The following PRR5L variants were observed in gnomAD, a reference collection of about 807,000 sequenced individuals.
PRR5L encodes proline-rich protein 5-like.
A neutral mutation model predicts 36.4 loss-of-function variants in PRR5L; 21 were observed. The observed-to-expected ratio is 0.58, with a 90% confidence interval of 0.41 to 0.83. PRR5L has a LOEUF of 0.83. Among genes scored for constraint, PRR5L ranks in the 40% least tolerant of loss-of-function variants. The pLI, the probability that PRR5L is intolerant of heterozygous loss-of-function variation, is 0.00. For missense variants in PRR5L, 381 were observed against 473.3 expected (o/e 0.80, Z 1.81); for synonymous variants, 188 against 197.0 (o/e 0.95, Z 0.38).
intron 1 of PRR5L, among the ~76,000 whole-genome samples, chr11:36,324,086 G>A (rs72948150): frequency 0.23 from 35,708 of 151,996 alleles, 5,122 homozygotes; most frequent in Non-Finnish European, 0.32. Context: ...GTTCACAAAA[G>A]ACTTAACAAA....
At chr11:36,336,529 C>CTTTTTT (rs36024089) in intron 1 of PRR5L, among the ~76,000 whole-genome samples, 1 of 104,264 alleles carries the variant, frequency 9.6e-6, no homozygotes, top group South Asian at 3.7e-4. Context: ...CGCGCCTGGC[C>CTTTTTT]TTTTTTTTTT....
Position 36,464,141 on chromosome 11 carries a change from G to A in PRR5L, c.*1405G>A, listed in dbSNP as rs77226645. ...AGGTCTGGGGGCTTTTATCCACCTT[G>A]AATCCCTATCCTCCTCTTTGTAGTT... On this transcript the variant is annotated 3_prime_UTR_variant, in exon 9 of 9. Coordinates refer to ENST00000530639, the MANE Select transcript of PRR5L (RefSeq NM_001160167.2). 0.14 allele frequency: 21,224 copies of A among 152,126 alleles called. 1,563 individuals carry two copies. The highest frequency in any genetic ancestry group is 0.17 in the African/African-American group (6,847 of 41,460). 9.4% of individuals were successfully genotyped at this position (152,126 alleles called of 1,614,324 possible).
intron 1 of PRR5L, among the ~76,000 whole-genome samples, chr11:36,364,266 G>T (rs1857122737): frequency 6.6e-6 from 1 of 152,128 alleles, no homozygotes; most frequent in Non-Finnish European, 1.5e-5. Context: ...CATTTTTGGG[G>T]GTTAAATTAA....
intron 8 of PRR5L, among the ~76,000 whole-genome samples, chr11:36,459,994 A>G (rs1859144948): frequency 6.6e-6 from 1 of 152,254 alleles, no homozygotes; most frequent in Non-Finnish European, 1.5e-5. Flanking sequence ...CAATAAAAAG[A>G]TAATGAAATT....
rs568102832 is a variant in PRR5L at position 36,376,738 on chromosome 11, G to C, written c.-125-24259G>C. The C allele has an allele frequency of 1.8e-3, 1,746 of 984,542 alleles. 29 individuals carry two copies. In the African/African-American group the frequency reaches 0.028, roughly 16 times the overall value. The allele number at this position is 984,542 out of a possible 1,614,324, so 61.0% of individuals were successfully genotyped here. Reference sequence around the variant, plus strand: ...TGGGTGGGGGGCGTCTCTGGGAGGGGCCGGAGTCATAGGCTCAGCAACCGC... The same window carrying C: ...TGGGTGGGGGGCGTCTCTGGGAGGGCCCGGAGTCATAGGCTCAGCAACCGC... On this transcript the variant is annotated intron_variant, in intron 1 of 8. Coordinates refer to ENST00000530639, the MANE Select transcript of PRR5L (RefSeq NM_001160167.2).
At chr11:36,372,910 T>G (rs190261328) in intron 1 of PRR5L, among the ~76,000 whole-genome samples, 1 of 152,184 alleles carries the variant, frequency 6.6e-6, no homozygotes, top group Non-Finnish European at 1.5e-5. Flanking sequence ...CCACAGCCAG[T>G]GTGCAGCTTT....
chr11:36,336,280 G>C (rs2133476306), intron 1 of PRR5L, among the ~76,000 whole-genome samples: 1 of 152,236 alleles, frequency 6.6e-6, no homozygotes, highest in East Asian at 1.9e-4. Flanking sequence ...CCAGGCTAGA[G>C]TGCAGTGGCA....
intron 1 of PRR5L, among the ~76,000 whole-genome samples, chr11:36,335,707 G>A (rs10836537): frequency 0.32 from 48,971 of 151,946 alleles, 8,513 homozygotes; most frequent in East Asian, 0.72. Context: ...TTAAGTGGGA[G>A]CTTTGACAGG....
chr11:36,348,074 T>A (rs1055827153), intron 1 of PRR5L, among the ~76,000 whole-genome samples: 1 of 152,188 alleles, frequency 6.6e-6, no homozygotes, highest in East Asian at 1.9e-4. Context: ...GCTCAGTACA[T>A]GTTAACAGTT....
chr11:36,333,703 G>A (rs1474658754), intron 1 of PRR5L, among the ~76,000 whole-genome samples: 5 of 152,136 alleles, frequency 3.3e-5, no homozygotes, highest in Admixed American at 1.3e-4. Flanking sequence ...GTGGATCAGC[G>A]ATTGCCTCAT....
chr11:36,351,317 T>A (rs1565407457), intron 1 of PRR5L, among the ~76,000 whole-genome samples: 2 of 72,764 alleles, frequency 2.7e-5, no homozygotes, highest in African/African-American at 1.0e-4. Flanking sequence ...TTTATATATA[T>A]TTATAAATAT....
rs56382232 is a variant in PRR5L, at chr11:36,344,555, T to G, written c.-126+48117T>G. ...TCAATAACAACAAAACGGCCATCTC[T>G]GAAGGTGATTTTTGTTTATATTTCT... is the stretch of plus-strand genomic sequence containing the variant. On this transcript the variant is annotated intron_variant, in intron 1 of 8. Transcript: ENST00000530639. This position sits in a 1 kb window ranked among gnomAD's most constrained non-coding sequence, Gnocchi z 4.1. 8.9e-4 allele frequency among the ~76,000 whole-genome samples: 136 copies of G among 152,362 alleles called. No homozygotes were observed. The highest frequency in any genetic ancestry group is 1.7e-3 in the South Asian group (8 of 4,832).
intron 3 of PRR5L, among the ~76,000 whole-genome samples, chr11:36,410,400 T>C (rs12276120): frequency 0.23 from 34,662 of 152,042 alleles, 5,586 homozygotes; most frequent in African/African-American, 0.47. Context: ...GCCTCCCTTC[T>C]TTGCCTGCCT....
intron 1 of PRR5L, among the ~76,000 whole-genome samples, chr11:36,373,735 T>TACTTCTCTTTACCAGGAAGTAC (rs139626809): frequency 0.042 from 6,401 of 152,180 alleles, 457 homozygotes; most frequent in African/African-American, 0.15. Context: ...ATGTTGTGAA[T>TACTTCTCTTTACCAGGAAGTAC]ACTTCTCTTT....
intron 1 of PRR5L, among the ~76,000 whole-genome samples, chr11:36,385,283 A>G (rs1483584764): frequency 6.6e-6 from 1 of 152,212 alleles, no homozygotes; most frequent in Non-Finnish European, 1.5e-5. Context: ...GGCCACACCC[A>G]GACAATATGC....
intron 8 of PRR5L, among the ~76,000 whole-genome samples, chr11:36,452,456 T>C (rs1858964514): frequency 1.3e-5 from 2 of 152,234 alleles, no homozygotes; most frequent in South Asian, 4.1e-4. Flanking sequence ...AGACACCAGC[T>C]TAACCACAGC....
chr11:36,388,030 G>A (rs7931347), intron 1 of PRR5L: 84,525 of 152,066 alleles, frequency 0.56, 24,739 homozygotes, highest in Non-Finnish European at 0.66. Context: ...TTTAGCCAGG[G>A]CAGGTGCTGG....
chr11:36,441,292 C>A (rs1197063344), intron 6 of PRR5L, among the ~76,000 whole-genome samples: 1 of 152,190 alleles, frequency 6.6e-6, no homozygotes, highest in Non-Finnish European at 1.5e-5. Context: ...TTATAAGATA[C>A]AATGGTGGCA....
chr11:36,434,001 A>G (rs1858554976), intron 5 of PRR5L, among the ~76,000 whole-genome samples: 1 of 152,256 alleles, frequency 6.6e-6, no homozygotes, highest in African/African-American at 2.4e-5. Context: ...CAGCTCTATG[A>G]AAAAGAAACT....
Sources: allele counts gnomAD v4.1 joint callset (sites outside exome capture counted in the v4.1 genomes callset), GRCh38; gene constraint gnomAD v4.1.1; non-coding constraint Gnocchi (gnomAD v3.1); transcripts MANE v1.5; gene names NCBI Gene and HGNC (gene_info 2026-07-23, HGNC 2026-07-21).